The following CDH12 variants were observed in gnomAD, a reference collection of about 807,000 sequenced individuals.
CDH12 encodes cadherin-12.
A neutral mutation model predicts 74.1 loss-of-function variants in CDH12; 41 were observed. The observed-to-expected ratio is 0.55, with a 90% CI of 0.43 to 0.72. The LOEUF is 0.72. Ranked by LOEUF, CDH12 falls within the 30% of genes least tolerant of loss-of-function variation. The probability of loss-of-function intolerance (pLI) is 0.00; values close to 1 mark genes in which losing one functional copy is unlikely to be tolerated. For missense variants in CDH12, 945 were observed against 977.2 expected (o/e 0.97, Z 0.44); for synonymous variants, 399 against 355.0 (o/e 1.12, Z -1.39).
At chr5:22,661,563 G>T (rs369431070) in intron 1 of CDH12, among the ~76,000 whole-genome samples, 2 of 151,976 alleles carry the variant, frequency 1.3e-5, no homozygotes, top group South Asian at 4.1e-4. Context: ...ATTTCAGATA[G>T]ATTTTGCTTT....
chr5:22,302,569 A>T (rs1737933261), intron 3 of CDH12, among the ~76,000 whole-genome samples: 1 of 152,150 alleles, frequency 6.6e-6, no homozygotes, highest in Non-Finnish European at 1.5e-5. Flanking sequence ...TGCAATTCTC[A>T]ATTTTGGATC....
intron 1 of CDH12, among the ~76,000 whole-genome samples, chr5:22,645,107 A>G (rs1739367318): frequency 6.6e-6 from 1 of 152,120 alleles, no homozygotes; most frequent in African/African-American, 2.4e-5. Context: ...TTCACTTTCA[A>G]GTAGTATTAT....
intron 3 of CDH12, among the ~76,000 whole-genome samples, chr5:22,292,223 A>T (rs1002910234): frequency 8.5e-5 from 13 of 152,124 alleles, no homozygotes; most frequent in Non-Finnish European, 1.6e-4. Context: ...AGAATTAATT[A>T]CAAGACCTAA....
intron 3 of CDH12, among the ~76,000 whole-genome samples, chr5:22,316,081 T>C (rs969802728): frequency 6.6e-6 from 1 of 152,094 alleles, no homozygotes; most frequent in Non-Finnish European, 1.5e-5. Flanking sequence ...GATCTTGTTC[T>C]TAAAGAATTG....
chr5:22,189,420 T>C (rs1277480761), intron 4 of CDH12, among the ~76,000 whole-genome samples: 2 of 152,114 alleles, frequency 1.3e-5, no homozygotes, highest in Non-Finnish European at 2.9e-5. Context: ...ATCCTTCCTA[T>C]AGAATATGGT....
At chr5:22,129,813 A>G (rs1746085955) in intron 4 of CDH12, among the ~76,000 whole-genome samples, 1 of 152,048 alleles carries the variant, frequency 6.6e-6, no homozygotes, top group African/African-American at 2.4e-5. Context: ...GAATTACAGA[A>G]AGCAAAAGTA....
At chr5:22,118,414 G>A (rs1561130401) in intron 4 of CDH12, among the ~76,000 whole-genome samples, 1 of 151,882 alleles carries the variant, frequency 6.6e-6, no homozygotes, top group Non-Finnish European at 1.5e-5. Context: ...CCATCTCACT[G>A]CTTGCTACAA....
At chr5:22,448,053 A>G (rs1358531169) in intron 2 of CDH12, among the ~76,000 whole-genome samples, 14 of 149,300 alleles carry the variant, frequency 9.4e-5, no homozygotes, top group Admixed American at 2.7e-4. Flanking sequence ...TCAGGAGGCC[A>G]GAAGTGAGAG....
intron 10 of CDH12, among the ~76,000 whole-genome samples, chr5:21,788,740 G>A (rs1384263563): frequency 1.3e-5 from 2 of 152,030 alleles, no homozygotes; most frequent in Non-Finnish European, 2.9e-5. Context: ...GAGCACATGA[G>A]TTTTTGTAGA....
intron 5 of CDH12, among the ~76,000 whole-genome samples, chr5:22,031,682 ATTG>A (rs1301721835): frequency 1.3e-5 from 2 of 152,154 alleles, no homozygotes; most frequent in Admixed American, 1.3e-4. Context: ...TAATTTCAAT[ATTG>A]TTGTGTTTCA....
intron 6 of CDH12, among the ~76,000 whole-genome samples, chr5:21,922,639 T>C (rs1462696277): frequency 6.6e-6 from 1 of 152,106 alleles, no homozygotes; most frequent in Admixed American, 6.6e-5. Context: ...GACATACATA[T>C]GTAGACAGAA....
intron 1 of CDH12, among the ~76,000 whole-genome samples, chr5:22,817,045 T>C (rs1014049393): frequency 4.6e-5 from 7 of 152,158 alleles, no homozygotes; most frequent in African/African-American, 1.7e-4. Context: ...GATCTCCCTA[T>C]ACCTCTCAAT....
intron 1 of CDH12, among the ~76,000 whole-genome samples, chr5:22,780,093 A>G (rs1336759387): frequency 6.6e-6 from 1 of 152,184 alleles, no homozygotes; most frequent in African/African-American, 2.4e-5. Context: ...GGCTTTTAAA[A>G]TGTGTAATCT....
At chr5:22,459,178 T>C (rs1238213112) in intron 2 of CDH12, among the ~76,000 whole-genome samples, 1 of 152,096 alleles carries the variant, frequency 6.6e-6, no homozygotes, top group Non-Finnish European at 1.5e-5. Flanking sequence ...TTTTTCATCT[T>C]AAAAAGACAT....
intron 6 of CDH12, chr5:21,889,626 C>A (rs1489190157): frequency 2.6e-5 from 26 of 985,308 alleles, no homozygotes; most frequent in Non-Finnish European, 3.1e-5. Flanking sequence ...ATGTGTGTGG[C>A]TTTGATAACA....
At chr5:22,091,544 T>A (rs1253867318) in intron 4 of CDH12, among the ~76,000 whole-genome samples, 1 of 151,908 alleles carries the variant, frequency 6.6e-6, no homozygotes, top group East Asian at 1.9e-4. Flanking sequence ...CAAACCATTG[T>A]TGCAAGAAAT....
At chr5:21,839,898 T>C (rs1480465373) in intron 8 of CDH12, among the ~76,000 whole-genome samples, 1 of 152,090 alleles carries the variant, frequency 6.6e-6, no homozygotes, top group African/African-American at 2.4e-5. Context: ...CAGGTAGTGA[T>C]TGGTGTTAGA....
intron 1 of CDH12, among the ~76,000 whole-genome samples, chr5:22,814,338 A>T (rs1581027189): frequency 6.6e-6 from 1 of 152,344 alleles, no homozygotes; most frequent in South Asian, 2.1e-4. Flanking sequence ...AAACTAAAAT[A>T]AAATTTTTAT....
chr5:21,877,827 A>G (rs1752019743), intron 6 of CDH12, among the ~76,000 whole-genome samples: 1 of 152,208 alleles, frequency 6.6e-6, no homozygotes. Flanking sequence ...TCTACTTTCC[A>G]TTACCAGATA....
Sources: allele counts gnomAD v4.1 joint callset (sites outside exome capture counted in the v4.1 genomes callset), GRCh38; gene constraint gnomAD v4.1.1; transcripts MANE v1.5; gene names NCBI Gene and HGNC (gene_info 2026-07-23, HGNC 2026-07-21).